The following SGCZ variants were observed in gnomAD, a reference collection of about 807,000 sequenced individuals.
The protein encoded by SGCZ is zeta-sarcoglycan.
Under a neutral mutation model 41.3 loss-of-function variants are expected in SGCZ, and 40 were observed. The ratio of observed to expected loss-of-function variants is 0.97; its 90% CI spans 0.75 to 1.26. The LOEUF (loss-of-function observed/expected upper bound fraction) is 1.26. SGCZ is among the 50% of genes most tolerant of loss of function. The pLI is 0.00. For missense variants in SGCZ, 552 were observed against 369.8 expected, an observed-to-expected ratio of 1.49 and a Z score of -4.04; for synonymous variants, 206 against 137.5, an observed-to-expected ratio of 1.50 and a Z score of -3.49.
At chr8:14,908,044 A>G (rs1799170768) in intron 1 of SGCZ, among the ~76,000 whole-genome samples, 1 of 152,184 alleles carries the variant, frequency 6.6e-6, no homozygotes, top group African/African-American at 2.4e-5. Flanking sequence ...TCAGAAACAG[A>G]TACATAGAAA....
chr8:14,390,599 C>A (rs1186566072), intron 2 of SGCZ, among the ~76,000 whole-genome samples: 1 of 151,674 alleles, frequency 6.6e-6, no homozygotes, highest in Non-Finnish European at 1.5e-5. Flanking sequence ...TCATGGTAAG[C>A]ATTGAAACAG....
At chr8:14,470,324 G>C (rs929142225) in intron 2 of SGCZ, among the ~76,000 whole-genome samples, 1 of 152,070 alleles carries the variant, frequency 6.6e-6, no homozygotes, top group African/African-American at 2.4e-5. Flanking sequence ...ATAATCTCCA[G>C]TGCCTGGTCA....
chr8:14,223,235 T>C (rs1806264392), intron 4 of SGCZ, among the ~76,000 whole-genome samples: 1 of 152,204 alleles, frequency 6.6e-6, no homozygotes, highest in Non-Finnish European at 1.5e-5. Flanking sequence ...TTCCACACTG[T>C]ACTAATGATT....
At chr8:14,375,750 A>G (rs1463351525) in intron 2 of SGCZ, among the ~76,000 whole-genome samples, 1 of 152,200 alleles carries the variant, frequency 6.6e-6, no homozygotes, top group Non-Finnish European at 1.5e-5. Flanking sequence ...AGCCTTCAGT[A>G]TGTTTAGTAC....
At chr8:14,775,460 A>ACTGTGTGTGTGTGT (rs1358479725) in intron 1 of SGCZ, among the ~76,000 whole-genome samples, 25 of 149,318 alleles carry the variant, frequency 1.7e-4, no homozygotes, top group South Asian at 1.3e-3. Context: ...AGAATATTTG[A>ACTGTGTGTGTGTGT]GTGTGTGTGT....
intron 1 of SGCZ, among the ~76,000 whole-genome samples, chr8:14,671,376 G>A (rs1245476277): frequency 1.3e-5 from 2 of 152,096 alleles, no homozygotes; most frequent in Non-Finnish European, 1.5e-5. Flanking sequence ...ATTAATAGAT[G>A]GAATGGAATC....
chr8:14,595,404 C>CACACAG (rs754804365), intron 1 of SGCZ, among the ~76,000 whole-genome samples: 2,528 of 113,282 alleles, frequency 0.022, 38 homozygotes, highest in African/African-American at 0.054. Context: ...TGCACAAACA[C>CACACAG]ACACACACAC....
intron 1 of SGCZ, among the ~76,000 whole-genome samples, chr8:15,044,078 C>T (rs1804210598): frequency 6.6e-6 from 1 of 152,126 alleles, no homozygotes; most frequent in South Asian, 2.1e-4. Flanking sequence ...CCTGTATTTG[C>T]ATATTATTTA....
chr8:14,588,734 C>T (rs1052306957), intron 1 of SGCZ, among the ~76,000 whole-genome samples: 2 of 152,072 alleles, frequency 1.3e-5, no homozygotes, highest in East Asian at 1.9e-4. Flanking sequence ...TAATTCTCAA[C>T]AAGAAATGTA....
intron 1 of SGCZ, among the ~76,000 whole-genome samples, chr8:14,789,106 C>A (rs1800868157): frequency 6.6e-6 from 1 of 152,066 alleles, no homozygotes; most frequent in South Asian, 2.1e-4. Flanking sequence ...CTAACACATG[C>A]ACTCTCTTCA....
rs10091143 is a variant in SGCZ, at chr8:14,203,066, C to G, written c.424+34526G>C. ...CTGCTGCCATCCATGTAAGATGTGACTTGCTTCTCCTCGCCTTCCACCATG... is the reference window on the plus strand; with the variant it reads ...CTGCTGCCATCCATGTAAGATGTGAGTTGCTTCTCCTCGCCTTCCACCATG... On this transcript the variant is annotated intron_variant, in intron 4 of 7. Coordinates refer to ENST00000382080, the MANE Select transcript of SGCZ (RefSeq NM_139167.4). Among the ~76,000 whole-genome samples, 1,457 of 152,272 alleles carry G rather than the reference C, an allele frequency of 9.6e-3. 21 individuals carry two copies. The highest frequency in any genetic ancestry group is 0.033 in the African/African-American group (1,369 of 41,556).
At chr8:14,559,314 G>C (rs1315329674) in intron 1 of SGCZ, among the ~76,000 whole-genome samples, 1 of 152,052 alleles carries the variant, frequency 6.6e-6, no homozygotes, top group East Asian at 1.9e-4. Flanking sequence ...ACACAAATCA[G>C]TAGTTCTGCT....
chr8:14,433,884 G>C (rs998623396), intron 2 of SGCZ, among the ~76,000 whole-genome samples: 2 of 152,164 alleles, frequency 1.3e-5, no homozygotes, highest in African/African-American at 2.4e-5. Context: ...TGATGTTAAT[G>C]TCACCCATAG....
At chr8:14,896,550 C>CA (rs1449190486) in intron 1 of SGCZ, among the ~76,000 whole-genome samples, 1 of 152,092 alleles carries the variant, frequency 6.6e-6, no homozygotes, top group Non-Finnish European at 1.5e-5. Flanking sequence ...GATCTCGGCT[C>CA]ACTGCAAACT....
chr8:14,589,516 A>G (rs1805173555), intron 1 of SGCZ, among the ~76,000 whole-genome samples: 1 of 152,174 alleles, frequency 6.6e-6, no homozygotes, highest in Non-Finnish European at 1.5e-5. Context: ...AATTTTAGAC[A>G]ATACTGGTTC....
intron 1 of SGCZ, among the ~76,000 whole-genome samples, chr8:14,830,751 A>T (rs1802498715): frequency 6.6e-6 from 1 of 152,176 alleles, no homozygotes; most frequent in South Asian, 2.1e-4. Flanking sequence ...AGCCAATAAC[A>T]TTTAGAATCA....
At chr8:14,586,678 C>A (rs557175166) in intron 1 of SGCZ, among the ~76,000 whole-genome samples, 8 of 152,132 alleles carry the variant, frequency 5.3e-5, no homozygotes, top group South Asian at 2.1e-4. Context: ...TGTCTCATTA[C>A]TGTGGTCAAA....
chr8:14,359,197 A>C (rs1803413459), intron 2 of SGCZ, among the ~76,000 whole-genome samples: 1 of 152,170 alleles, frequency 6.6e-6, no homozygotes, highest in South Asian at 2.1e-4. Flanking sequence ...TCAAACTCCC[A>C]AAAGTCAAGG....
At chr8:15,121,012 T>C (rs1010112905) in intron 1 of SGCZ, among the ~76,000 whole-genome samples, 1 of 152,204 alleles carries the variant, frequency 6.6e-6, no homozygotes, top group Non-Finnish European at 1.5e-5. Context: ...TCTGAACACA[T>C]TGGATAAGTG....
Sources: gnomAD v4.1 joint callset for allele counts (sites outside exome capture counted in the v4.1 genomes callset) on GRCh38, gnomAD v4.1.1 for gene constraint, MANE v1.5 for transcripts, NCBI Gene and HGNC (gene_info 2026-07-23, HGNC 2026-07-21) for gene names.